UGGT1: variants seen among roughly 807,000 people sequenced by gnomAD.
UGGT1 encodes the protein UDP-glucose:glycoprotein glucosyltransferase 1.
Under a neutral mutation model 203.9 loss-of-function variants are expected in UGGT1, and 107 were observed. The ratio of observed to expected loss-of-function variants is 0.52; its 90% CI spans 0.45 to 0.62. The LOEUF (loss-of-function observed/expected upper bound fraction) is 0.62, where lower values mean the gene tolerates loss of function less well. Ranked by LOEUF, UGGT1 falls within the 20% of genes least tolerant of loss-of-function variation. The pLI, the probability that UGGT1 is intolerant of heterozygous loss-of-function variation, is 0.00. For synonymous variants in UGGT1, 628 were observed against 653.5 expected (o/e 0.96, Z 0.59); for missense variants, 1,673 against 1,867.2 (o/e 0.90, Z 1.92).
intron 25 of UGGT1, 101 bp from the exon 26 acceptor site, chr2:128,164,629 A>G (rs1322623799): frequency 3.5e-5 from 33 of 949,314 alleles, no homozygotes; most frequent in Non-Finnish European, 5.0e-5. Flanking sequence ...TGTTCAAACC[A>G]TCTTGTTAGA....
chr2:128,185,416 C>T (rs1260339544), intron 38 of UGGT1, among the ~76,000 whole-genome samples: 42 of 151,278 alleles, frequency 2.8e-4, no homozygotes, highest in Non-Finnish European at 4.4e-4. Context: ...GTGATCCACC[C>T]ACCTTGGCCT....
intron 40 of UGGT1, among the ~76,000 whole-genome samples, chr2:128,188,904 G>T (rs1692124998): frequency 6.6e-6 from 1 of 152,194 alleles, no homozygotes; most frequent in Non-Finnish European, 1.5e-5. Context: ...ACAGCTGGAA[G>T]GTTATATAGT....
chr2:128,177,032 T>C (rs1691429424), intron 32 of UGGT1, 134 bp downstream of exon 32: 2 of 748,130 alleles, frequency 2.7e-6, no homozygotes, highest in Non-Finnish European at 4.3e-6. Context: ...AGGCAAAATG[T>C]CTTTGTAACT....
At chr2:128,149,102 T>C (rs1689824735) in intron 18 of UGGT1, among the ~76,000 whole-genome samples, 1 of 151,982 alleles carries the variant, frequency 6.6e-6, no homozygotes, top group Non-Finnish European at 1.5e-5. Flanking sequence ...GTGTAGGGAT[T>C]GTGATCATAG....
chr2:128,163,488 G>A lies in UGGT1; in HGVS notation c.2826-1242G>A, dbSNP rs187639105. ...CCCAGCACTTGGGAAGGCCGAGGCG[G>A]GCGGATCATGAGGTCAGGAGATCGA... On this transcript the variant is annotated intron_variant, in intron 25 of 40. Coordinates refer to ENST00000259253, the MANE Select transcript of UGGT1 (RefSeq NM_020120.4). Among the ~76,000 whole-genome samples, 604 of 151,884 alleles carry A rather than the reference G, an allele frequency of 4.0e-3. 4 individuals are homozygous for A. The highest frequency in any genetic ancestry group is 0.013 in the African/African-American group (537 of 41,382).
At position 128,097,097 on chromosome 2, in the gene UGGT1, C is replaced by T. The variant is rs193201005; in HGVS notation, c.59-332C>T. 4.9e-3 allele frequency among the ~76,000 whole-genome samples: 744 copies of T among 152,324 alleles called. 7 individuals are homozygous for T. The highest frequency in any genetic ancestry group is 8.1e-3 in the Non-Finnish European group (548 of 68,032). The stretch of plus-strand genomic sequence containing the variant: ...GAGGTTAAAATTACCTTGTAGCAGG[C>T]CAGGCATGGTGGCTCATGCCTGTAA... On this transcript the variant is annotated intron_variant, in intron 1 of 40. Coordinates refer to ENST00000259253, the MANE Select transcript of UGGT1 (RefSeq NM_020120.4).
In UGGT1 at chr2:128,133,160, T is replaced by C. The variant is rs768251058; in HGVS notation, c.1397T>C (p.Val466Ala). 1 of 1,614,024 alleles carries C rather than the reference T, an allele frequency of 6.2e-7. No individual in the cohort carries two copies. Among genetic ancestry groups the C allele is most frequent in the South Asian group, 1.1e-5 (1 of 91,082 alleles). The change falls in exon 14 of 41, where the codon GTT (valine) becomes GCT (alanine). Residue 466 changes from valine (V) to alanine (A), a missense_variant. By Grantham distance (64) the Val-to-Ala change is moderately conservative. Coordinates refer to ENST00000259253, the MANE Select transcript of UGGT1 (RefSeq NM_020120.4). ...PAISWVNNLE[V>A]DSRYNSWPSS... ...TTGTAGTGGGTCAACAACCTGGAGG[T>C]TGATAGCAGATATAATTCGTGGCCT...
chr2:128,131,816 T>C (rs1041677154), intron 13 of UGGT1, among the ~76,000 whole-genome samples: 1 of 152,058 alleles, frequency 6.6e-6, no homozygotes, highest in African/African-American at 2.4e-5. Context: ...TTAATAGAGA[T>C]GGGGCTTTCA....
At chr2:128,172,480 T>G in intron 28 of UGGT1, 93 bp from the exon 29 acceptor site, 4 of 1,389,764 alleles carry the variant, frequency 2.9e-6, no homozygotes, top group Non-Finnish European at 4.0e-6. Flanking sequence ...CAAATCTAAT[T>G]TGTTTTAACC....
intron 16 of UGGT1, 40 bp downstream of exon 16, chr2:128,138,892 C>G: frequency 6.2e-7 from 1 of 1,610,468 alleles, no homozygotes; most frequent in Admixed American, 1.7e-5. Context: ...TTTTTCAGAT[C>G]TAACTTACTC....
Position 128,145,987 on chromosome 2 carries a change from T to C in UGGT1, c.2016+20T>C. On this transcript the variant is annotated intron_variant, in intron 18 of 40. Transcript: ENST00000259253. Reference sequence around the variant, plus strand: ...TACTTGGTGAGTCACGTTTCAAGGCTGATTTTTTAAAGAGAACAGTTGGCT... The same window carrying C: ...TACTTGGTGAGTCACGTTTCAAGGCCGATTTTTTAAAGAGAACAGTTGGCT... The C allele has an allele frequency of 1.9e-6, 3 of 1,613,212 alleles. No homozygotes were observed. The East Asian group carries it at 6.7e-5, about 36-fold the overall frequency.
At chr2:128,098,712 G>A (rs1187406624) in intron 2 of UGGT1, among the ~76,000 whole-genome samples, 2 of 149,646 alleles carry the variant, frequency 1.3e-5, no homozygotes, top group African/African-American at 5.0e-5. Flanking sequence ...TCACGCCATT[G>A]CAGTCCAGCC....
At chr2:128,155,090 T>C (rs780163982) in intron 19 of UGGT1, among the ~76,000 whole-genome samples, 3 of 152,238 alleles carry the variant, frequency 2.0e-5, no homozygotes, top group Non-Finnish European at 4.4e-5. Flanking sequence ...TCTTACGTAT[T>C]TTCTCTTTTA....
chr2:128,143,111 G>T lies in UGGT1; in HGVS notation c.1737G>T (p.Arg579Ser). The T allele has an allele frequency of 1.2e-6, 2 of 1,609,662 alleles. No homozygotes were observed. The highest frequency in any genetic ancestry group is 1.7e-6 in the Non-Finnish European group (2 of 1,177,912). Residue 579 changes from arginine to serine, a missense_variant, in exon 17 of 41, where the codon AGG becomes AGT. Arg to Ser is a moderately radical substitution (Grantham distance 110). Around this residue, in one of 4 missense-constraint regions of UGGT1, gnomAD observed 1,073 missense variants for 1,078.7 expected, o/e 0.99. Coordinates refer to ENST00000259253, the MANE Select transcript of UGGT1 (RefSeq NM_020120.4). Reference sequence around the variant, plus strand: ...TTCTTCAGATCTATAACAAGGTGAGGACTGGAGAAAAAGTGAAAGTTGAAC... The same window carrying T: ...TTCTTCAGATCTATAACAAGGTGAGTACTGGAGAAAAAGTGAAAGTTGAAC... ...QTLTHIYNKV[R>S]TGEKVKVEHV...
chr2:128,115,483 T>TAAAAAAAAAAA (rs55952659), intron 7 of UGGT1, among the ~76,000 whole-genome samples: 1 of 121,760 alleles, frequency 8.2e-6, no homozygotes. Flanking sequence ...TTTCATGTAC[T>TAAAAAAAAAAA]AAAAAAAAAA....
chr2:128,159,321 G>A (rs1374529265), intron 22 of UGGT1, among the ~76,000 whole-genome samples, 193 bp from the exon 23 acceptor site: 3 of 151,868 alleles, frequency 2.0e-5, no homozygotes, highest in African/African-American at 4.8e-5. Context: ...GGCTGGTCTC[G>A]AACTCCTGAT....
rs1692012187 is a variant in UGGT1, at chr2:128,186,919, T to C, written c.4476+120T>C. ...ATTTCCTAGATTCTTATTTAGACTT[T>C]CTCTGTAATTGTGTAGTTTGTCGGG... is the stretch of plus-strand genomic sequence containing the variant. On this transcript the variant is annotated intron_variant, in intron 39 of 40. Coordinates refer to ENST00000259253, the MANE Select transcript of UGGT1 (RefSeq NM_020120.4). 9.4e-6 allele frequency: 7 copies of C among 742,044 alleles called. No individual in the cohort carries two copies. The South Asian group carries it at 1.4e-4, about 15-fold the overall frequency. The allele number at this position is 742,044 out of a possible 1,614,324, so 46.0% of individuals were successfully genotyped here.
intron 15 of UGGT1, among the ~76,000 whole-genome samples, chr2:128,138,159 C>T (rs923584521): frequency 1.2e-4 from 19 of 152,064 alleles, no homozygotes; most frequent in Admixed American, 1.3e-4. Context: ...CTTTTCATGA[C>T]GTGGAAATGG....
Position 128,097,251 on chromosome 2 carries a change from C to T in UGGT1, c.59-178C>T, listed in dbSNP as rs572223933. Reference sequence around the variant, plus strand: ...ATTAGCAGGGTGTGGTGGTGCGTGCCTGTAATCCCAGCTACTGGGGAGGCT... The same window carrying T: ...ATTAGCAGGGTGTGGTGGTGCGTGCTTGTAATCCCAGCTACTGGGGAGGCT... On this transcript the variant is annotated intron_variant, in intron 1 of 40. Coordinates refer to ENST00000259253, the MANE Select transcript of UGGT1 (RefSeq NM_020120.4). Among the ~76,000 whole-genome samples, 4 of 152,250 alleles carry T rather than the reference C, an allele frequency of 2.6e-5. No homozygotes were observed. In the East Asian group the frequency reaches 7.7e-4, roughly 29 times the overall value.
Sources: allele counts gnomAD v4.1 joint callset (sites outside exome capture counted in the v4.1 genomes callset), GRCh38; gene constraint gnomAD v4.1.1; regional missense constraint gnomAD v4.1.1; transcripts MANE v1.5; gene names NCBI Gene and HGNC (gene_info 2026-07-23, HGNC 2026-07-21).